PLEC: variants seen among roughly 807,000 people sequenced by gnomAD.
PLEC encodes the protein hemidesmosomal protein 1.
In PLEC, 216 loss-of-function variants were observed where a neutral mutation model predicts 392.8. The observed-to-expected ratio is 0.55, with a 90% CI of 0.49 to 0.62. The LOEUF (loss-of-function observed/expected upper bound fraction) is 0.62, where lower values mean the gene tolerates loss of function less well. Among genes scored for constraint, PLEC ranks in the 20% least tolerant of loss-of-function variants. PLEC has a pLI of 0.00. For missense variants in PLEC, 6,863 were observed against 6,563.4 expected, an observed-to-expected ratio of 1.05 and a Z score of -1.58; for synonymous variants, 3,621 against 2,980.6, an observed-to-expected ratio of 1.21 and a Z score of -7.00.
At chr8:143,974,757 T>C (rs1587436207), upstream of PLEC, among the ~76,000 whole-genome samples, 1 of 152,168 alleles carries the variant, frequency 6.6e-6, no homozygotes, top group African/African-American at 2.4e-5. The surrounding 1 kb of genome is among the most constrained non-coding windows in gnomAD (Gnocchi z 5.9). Flanking sequence ...GGGGAGCTAC[T>C]GGAAAGCAAG....
At position 143,923,988 on chromosome 8, in the gene PLEC, GCTC is replaced by G. The variant is rs781811075; in HGVS notation, c.5938_5940del (p.Glu1980del). ...CGCTCCTCAGCCTCACGGCGCCGCC[GCTC>G]CTCCTCCGCCGCCAGCTGCCGCTGC... On this transcript the variant is annotated inframe_deletion, in exon 31 of 32. Coordinates refer to ENST00000345136, the MANE Select transcript of PLEC (RefSeq NM_201384.3). 40 of 1,585,040 alleles carry G rather than the reference GCTC, an allele frequency of 2.5e-5. No individual in the cohort carries two copies. The highest frequency in any genetic ancestry group is 3.3e-5 in the Non-Finnish European group (39 of 1,171,594).
At chr8:143,941,177 C>T (rs1191853843), upstream of PLEC, among the ~76,000 whole-genome samples, 1 of 152,206 alleles carries the variant, frequency 6.6e-6, no homozygotes, top group African/African-American at 2.4e-5. Flanking sequence ...TGGGTATGGG[C>T]TCTGGGGGCC....
upstream of PLEC, among the ~76,000 whole-genome samples, chr8:143,956,186 G>A (rs1305102587): frequency 1.3e-5 from 2 of 152,152 alleles, no homozygotes; most frequent in African/African-American, 4.8e-5. Context: ...GACCTCAGGT[G>A]ATCCACCCGT....
At chr8:143,973,610 G>A (rs1554745112), upstream of PLEC, 1 of 824,748 alleles carries the variant, frequency 1.2e-6, no homozygotes, top group Non-Finnish European at 1.5e-6. The surrounding 1 kb of genome is among the most constrained non-coding windows in gnomAD (Gnocchi z 5.6). Flanking sequence ...GATGCCCCAC[G>A]GGCGGGGCGG....
Position 143,917,376 on chromosome 8 carries a change from C to T in PLEC, c.12445G>A (p.Gly4149Ser), listed in dbSNP as rs1207121058. 2 of 1,611,182 alleles carry T rather than the reference C, an allele frequency of 1.2e-6. No homozygotes were observed. The highest frequency in any genetic ancestry group is 1.7e-6 in the Non-Finnish European group (2 of 1,180,014). The change falls in exon 32 of 32, where the codon GGC (glycine) becomes AGC (serine). Residue 4149 changes from glycine (G) to serine (S), a missense_variant. Transcript: ENST00000345136. ...RRVVIVDPET[G>S]KEMSVYEAYR... The stretch of plus-strand genomic sequence containing the variant: ...GCCTCGTACACTGACATCTCCTTGC[C>T]CGTCTCGGGGTCCACGATGACCACT...
Position 143,931,633 on chromosome 8 carries a change from C to A in PLEC, c.2205G>T (p.Glu735Asp). 6.2e-7 allele frequency: 1 copy of A among 1,600,624 alleles called. No homozygotes were observed. The highest frequency in any genetic ancestry group is 1.3e-5 in the African/African-American group (1 of 74,882). ...CCTCCTGCAGCTTCTGCAACTGCCC[C>A]TCGGCCTCCCGCACATCTGAGAAGA... ...FQFFSDVREA[E>D]GQLQKLQEAL... Residue 735 changes from glutamate (E) to aspartate (D), a missense_variant, in exon 19 of 32, where the codon GAG becomes GAT. Transcript: ENST00000345136.
rs1554716049 is a variant in PLEC, at chr8:143,932,007, T to C, written c.2108A>G (p.Gln703Arg). ...VESFQAALQT[Q>R]WSWMLQLCCC... Reference sequence around the variant, plus strand: ...GCACAGCTGTAGCATCCAGCTCCACTGCGTCTGCAGGGCCGCCTGGAAGGA... The same window carrying C: ...GCACAGCTGTAGCATCCAGCTCCACCGCGTCTGCAGGGCCGCCTGGAAGGA... The change falls in exon 18 of 32, where the codon CAG (glutamine) becomes CGG (arginine). Residue 703 changes from glutamine (Q) to arginine (R), a missense_variant. Coordinates refer to ENST00000345136, the MANE Select transcript of PLEC (RefSeq NM_201384.3). 5 of 1,605,206 alleles carry C rather than the reference T, an allele frequency of 3.1e-6. No homozygotes were observed.
chr8:143,929,312 T>G, intron 24 of PLEC, 31 bp from the exon 25 acceptor site: 1 of 1,592,304 alleles, frequency 6.3e-7, no homozygotes, highest in Admixed American at 1.7e-5. Context: ...AACGCACTCA[T>G]CACCGAGCGC....
intron 1 of PLEC, chr8:143,945,274 C>T: frequency 2.1e-6 from 1 of 481,318 alleles, no homozygotes; most frequent in South Asian, 1.5e-5. Context: ...ACAGCACAGC[C>T]TCTCCTGGGG....
chr8:143,962,260 G>C (rs533756802), intron 1 of PLEC, among the ~76,000 whole-genome samples: 2 of 152,354 alleles, frequency 1.3e-5, no homozygotes, highest in African/African-American at 4.8e-5. Flanking sequence ...GGCAGGGATT[G>C]GCATGATGCA....
Position 143,924,297 on chromosome 8 carries a change from G to A in PLEC, c.5632C>T (p.Arg1878Trp), listed in dbSNP as rs782312793. The A allele has an allele frequency of 1.4e-4, 230 of 1,594,258 alleles. No homozygotes were observed. The highest frequency in any genetic ancestry group is 5.5e-4 in the African/African-American group (41 of 74,740). ...RLAEDEAFQRRRLEEQAAQHK... is the reference protein window; with the variant it reads ...RLAEDEAFQRWRLEEQAAQHK... ...TGCGCGGCCTGCTCCTCCAGCCGCC[G>A]CCGCTGGAAGGCCTCGTCCTCCGCC... The change falls in exon 31 of 32, where the codon CGG (arginine) becomes TGG (tryptophan). Residue 1878 changes from arginine to tryptophan, a missense_variant. Physicochemically the swap from Arg to Trp is moderately radical, Grantham distance 101 (BLOSUM62 -3). Transcript: ENST00000345136.
In PLEC at chr8:143,920,066, G is replaced by A. The variant is rs781828296; in HGVS notation, c.9755C>T (p.Thr3252Met). ...PVGGFKGRTVTVWELISSEYF... is the reference protein window; with the variant it reads ...PVGGFKGRTVMVWELISSEYF... ...CTCAGAGCTGATGAGCTCCCACACC[G>A]TCACCGTCCTGCCCTTGAAGCCACC... is the stretch of plus-strand genomic sequence containing the variant. The change falls in exon 32 of 32, where the codon ACG becomes ATG. Residue 3252 changes from threonine (T) to methionine (M), a missense_variant. Transcript: ENST00000345136. 3.0e-5 allele frequency: 48 copies of A among 1,613,150 alleles called. No homozygotes were observed. Among genetic ancestry groups the A allele is most frequent in the East Asian group, 6.7e-5 (3 of 44,898 alleles).
Position 143,923,144 on chromosome 8 carries a change from G to A in PLEC, c.6785C>T (p.Thr2262Met), listed in dbSNP as rs782706731. The A allele has an allele frequency of 3.2e-5, 52 of 1,603,038 alleles. No individual in the cohort carries two copies. Among genetic ancestry groups the A allele is most frequent in the Middle Eastern group, 1.6e-4 (1 of 6,084 alleles). ...RALILRDKDN[T>M]QRFLQEEAEK... ...AGCCTCCTCCTGCAGGAAGCGCTGCGTATTGTCCTTGTCACGCAAGATGAG... is the reference window on the plus strand; with the variant it reads ...AGCCTCCTCCTGCAGGAAGCGCTGCATATTGTCCTTGTCACGCAAGATGAG... Residue 2262 changes from threonine (T) to methionine (M), a missense_variant, in exon 31 of 32, where the codon ACG becomes ATG. Transcript: ENST00000345136.
chr8:143,931,910 C>T (rs1554715838), intron 18 of PLEC, 27 bp downstream of exon 18: 3 of 1,581,240 alleles, frequency 1.9e-6, no homozygotes, highest in Non-Finnish European at 1.7e-6. Flanking sequence ...CGCTGAGCCA[C>T]AGTGCGGAGG....
chr8:143,919,114 C>T lies in PLEC; in HGVS notation c.10707G>A (p.Glu3569=), dbSNP rs782029341. The part of the protein sequence containing the change: ...TEEETRRAFE[E]TQIDIPGGGS... Reference sequence around the variant, plus strand: ...CGCCGCCGGGAATGTCGATCTGTGTCTCTTCAAATGCCCTTCTTGTCTCCT... The same window carrying T: ...CGCCGCCGGGAATGTCGATCTGTGTTTCTTCAAATGCCCTTCTTGTCTCCT... The change falls in exon 32 of 32, where the codon GAG becomes GAA. Residue 3569 remains glutamate (E), a synonymous_variant. Coordinates refer to ENST00000345136, the MANE Select transcript of PLEC (RefSeq NM_201384.3). The T allele has an allele frequency of 1.9e-6, 3 of 1,612,972 alleles. No homozygotes were observed. Among genetic ancestry groups the T allele is most frequent in the East Asian group, 4.5e-5 (2 of 44,876 alleles).
upstream of PLEC, among the ~76,000 whole-genome samples, chr8:143,952,220 ACG>A (rs1554737431): frequency 4.6e-4 from 65 of 139,886 alleles, 1 homozygote; most frequent in African/African-American, 1.6e-3. Flanking sequence ...GCGCGCACAC[ACG>A]CACGCGCACG....
intron 12 of PLEC, among the ~76,000 whole-genome samples, chr8:143,933,749 G>A (rs1828096924): frequency 6.6e-6 from 1 of 152,132 alleles, no homozygotes; most frequent in African/African-American, 2.4e-5. Flanking sequence ...GCCTGGCGGG[G>A]GCAAGGCAGC....
Position 143,924,454 on chromosome 8 carries a change from C to G in PLEC, c.5475G>C (p.Ala1825=). The change falls in exon 31 of 32, where the codon GCG becomes GCC. Residue 1825 remains alanine, a synonymous_variant. Coordinates refer to ENST00000345136, the MANE Select transcript of PLEC (RefSeq NM_201384.3). ...CCCGCTCCGCCTCGGCCCGCTGCCG[C>G]GCCGCGTCTTCCTCGGCCAGCTGCC... The part of the protein sequence containing the change: ...RQRQLAEEDA[A]RQRAEAERVL... 6.4e-7 allele frequency: 1 copy of G among 1,553,496 alleles called. No homozygotes were observed. The highest frequency in any genetic ancestry group is 1.2e-5 in the South Asian group (1 of 85,826).
chr8:143,958,806 G>A (rs1052178394), upstream of PLEC: 3 of 304,128 alleles, frequency 9.9e-6, no homozygotes, highest in Middle Eastern at 4.3e-4. This position sits in a 1 kb window ranked among gnomAD's most constrained non-coding sequence, Gnocchi z 4.9. Flanking sequence ...CGAGACACCT[G>A]TGGGCCCCTG....
Sources: allele counts gnomAD v4.1 joint callset (sites outside exome capture counted in the v4.1 genomes callset), GRCh38; gene constraint gnomAD v4.1.1; non-coding constraint Gnocchi (gnomAD v3.1); transcripts MANE v1.5; gene names NCBI Gene and HGNC (gene_info 2026-07-23, HGNC 2026-07-21).